The following NCOA7 variants were observed in gnomAD, a reference collection of about 807,000 sequenced individuals.
NCOA7 encodes 140 kDa estrogen receptor-associated protein.
NCOA7 carries 45 observed loss-of-function variants against 104.3 expected under a neutral mutation model. The observed-to-expected ratio is 0.43, with a 90% confidence interval of 0.34 to 0.55. The LOEUF (loss-of-function observed/expected upper bound fraction) is 0.55, where lower values mean the gene tolerates loss of function less well. Ranked by LOEUF, NCOA7 falls within the 20% of genes least tolerant of loss-of-function variation. The probability of loss-of-function intolerance (pLI) is 0.02; values close to 1 mark genes in which losing one functional copy is unlikely to be tolerated. For missense variants in NCOA7, 1,041 were observed against 1,119.7 expected, an observed-to-expected ratio of 0.93 and a Z score of 1.00; for synonymous variants, 398 against 402.3, an observed-to-expected ratio of 0.99 and a Z score of 0.13.
At chr6:125,886,816 G>A (rs2128654540) in intron 8 of NCOA7, among the ~76,000 whole-genome samples, 2 of 152,342 alleles carry the variant, frequency 1.3e-5, no homozygotes, top group South Asian at 4.1e-4. Flanking sequence ...GTGGCAACGT[G>A]CAATAGTTTT....
In NCOA7 at chr6:125,799,347, A is replaced by C. The variant is rs879830554; in HGVS notation, c.-65+8280A>C. Among the ~76,000 whole-genome samples, 3 of 152,180 alleles carry C rather than the reference A, an allele frequency of 2.0e-5. No individual in the cohort carries two copies. In the South Asian group the frequency reaches 6.2e-4, roughly 31 times the overall value. ...ATACTTAATTCCATGAATACTTTCC[A>C]ACCCATCTATTGTATGCTGACTTCA... On this transcript the variant is annotated intron_variant, in intron 1 of 15. Coordinates refer to ENST00000392477, the MANE Select transcript of NCOA7 (RefSeq NM_181782.5).
Position 125,889,971 on chromosome 6 carries a change from A to G in NCOA7, c.1917A>G (p.Val639=). The stretch of plus-strand genomic sequence containing the variant: ...TGTGGCTGTTAAAGAGAATTCAGGT[A>G]CCCATTGAAGGTAAGCTGTTTTTCT... The part of the protein sequence containing the change: ...VQLWLLKRIQ[V]PIEDILPSKE... The change falls in exon 9 of 16, where the codon GTA becomes GTG. Residue 639 remains valine (V), a synonymous_variant. Coordinates refer to ENST00000392477, the MANE Select transcript of NCOA7 (RefSeq NM_181782.5). 2.0e-6 allele frequency: 3 copies of G among 1,527,300 alleles called. No homozygotes were observed. The highest frequency in any genetic ancestry group is 2.6e-6 in the Non-Finnish European group (3 of 1,141,976). 94.6% of individuals were successfully genotyped at this position (1,527,300 alleles called of 1,614,324 possible).
At chr6:125,900,336 A>G (rs988858856) in intron 10 of NCOA7, among the ~76,000 whole-genome samples, 2 of 152,266 alleles carry the variant, frequency 1.3e-5, no homozygotes, top group Non-Finnish European at 2.9e-5. Flanking sequence ...AATCCACGCT[A>G]TGGGCTGCCA....
chr6:125,884,914 G>A (rs1163942467), intron 7 of NCOA7, among the ~76,000 whole-genome samples: 1 of 152,202 alleles, frequency 6.6e-6, no homozygotes, highest in East Asian at 1.9e-4. Flanking sequence ...TGTTGCAGCA[G>A]CTGTGATAGA....
intron 10 of NCOA7, among the ~76,000 whole-genome samples, chr6:125,910,663 G>A (rs1163638931): frequency 1.3e-5 from 2 of 152,210 alleles, no homozygotes; most frequent in Admixed American, 1.3e-4. Flanking sequence ...ATGTGAAAAT[G>A]ACAAGTTGAA....
At chr6:125,878,140 A>G (rs1783529468) in intron 4 of NCOA7, 123 bp from the exon 5 acceptor site, 1 of 493,492 alleles carries the variant, frequency 2.0e-6, no homozygotes, top group Non-Finnish European at 3.5e-6. Flanking sequence ...ATTCTTTCTT[A>G]TAGTCTATCT....
intron 1 of NCOA7, among the ~76,000 whole-genome samples, chr6:125,795,428 G>T (rs1382567419): frequency 2.0e-5 from 3 of 152,092 alleles, no homozygotes; most frequent in Admixed American, 1.3e-4. Context: ...TCATTCCCCT[G>T]TCACCCATTT....
Position 125,881,213 on chromosome 6 carries a change from T to G in NCOA7, c.573+10T>G. ...ATATGATAAATTGCCTGTATGTATA[T>G]TATGCACTGAAGTTCATTTTTATTA... On this transcript the variant is annotated intron_variant, in intron 6 of 15. Coordinates refer to ENST00000392477, the MANE Select transcript of NCOA7 (RefSeq NM_181782.5). 1 of 1,556,914 alleles carries G rather than the reference T, an allele frequency of 6.4e-7. No homozygotes were observed. The highest frequency in any genetic ancestry group is 8.9e-7 in the Non-Finnish European group (1 of 1,128,274).
intron 13 of NCOA7, among the ~76,000 whole-genome samples, chr6:125,925,929 A>G (rs147484514): frequency 2.0e-5 from 3 of 152,342 alleles, no homozygotes; most frequent in South Asian, 2.1e-4. Flanking sequence ...CATAATCACA[A>G]TGCAATAGAT....
chr6:125,867,496 A>G (rs889302826), intron 3 of NCOA7, among the ~76,000 whole-genome samples: 2 of 152,172 alleles, frequency 1.3e-5, no homozygotes, highest in Non-Finnish European at 2.9e-5. Context: ...TTCTCAAGAG[A>G]CGTTGAGCAT....
At chr6:125,873,148 A>G (rs982433030) in intron 3 of NCOA7, among the ~76,000 whole-genome samples, 3 of 152,148 alleles carry the variant, frequency 2.0e-5, no homozygotes, top group African/African-American at 7.2e-5. Context: ...TCGTTGAGAC[A>G]TTTCCGTGTG....
intron 2 of NCOA7, among the ~76,000 whole-genome samples, chr6:125,845,533 T>C (rs1256846012): frequency 6.6e-6 from 1 of 152,174 alleles, no homozygotes; most frequent in African/African-American, 2.4e-5. Context: ...CCCAGCATTT[T>C]GGGAGGCTGA....
At chr6:125,842,862 A>G (rs532535995) in intron 2 of NCOA7, among the ~76,000 whole-genome samples, 2 of 152,338 alleles carry the variant, frequency 1.3e-5, no homozygotes, top group East Asian at 3.9e-4. Context: ...CTTTTGCTTT[A>G]GAAATATGTT....
chr6:125,871,100 T>A (rs780258212), intron 3 of NCOA7, among the ~76,000 whole-genome samples: 2 of 152,210 alleles, frequency 1.3e-5, no homozygotes, highest in Non-Finnish European at 2.9e-5. Flanking sequence ...TTGGCCAACT[T>A]TTCCCTTGGC....
At chr6:125,790,459 G>A (rs1193559793), upstream of NCOA7, among the ~76,000 whole-genome samples, 4 of 152,332 alleles carry the variant, frequency 2.6e-5, no homozygotes, top group East Asian at 5.8e-4. Flanking sequence ...AAAGGGCCGA[G>A]GCCTGCGGAG....
chr6:125,902,508 G>T lies in NCOA7; in HGVS notation c.2096+11698G>T, dbSNP rs569959614. On this transcript the variant is annotated intron_variant, in intron 10 of 15. Coordinates refer to ENST00000392477, the MANE Select transcript of NCOA7 (RefSeq NM_181782.5). ...TTTTTTTTTTTTTAAAGTGGGGATG[G>T]AAGGGAAGCAACAGTAAATTAAATC... Among the ~76,000 whole-genome samples, 4 of 151,550 alleles carry T rather than the reference G, an allele frequency of 2.6e-5. No individual in the cohort carries two copies. In the South Asian group the frequency reaches 8.3e-4, roughly 32 times the overall value.
intron 2 of NCOA7, among the ~76,000 whole-genome samples, chr6:125,843,091 A>T (rs1427223858): frequency 6.6e-6 from 1 of 152,176 alleles, no homozygotes; most frequent in Admixed American, 6.6e-5. Flanking sequence ...TGAGAATGTT[A>T]CCTTTTATGG....
intron 5 of NCOA7, among the ~76,000 whole-genome samples, chr6:125,880,172 C>A (rs897324916): frequency 2.6e-5 from 4 of 152,058 alleles, no homozygotes; most frequent in African/African-American, 9.7e-5. Context: ...TTACACATAA[C>A]CCAGACACTG....
intron 2 of NCOA7, among the ~76,000 whole-genome samples, chr6:125,820,000 A>C (rs1778017128): frequency 6.6e-6 from 1 of 152,156 alleles, no homozygotes; most frequent in South Asian, 2.1e-4. Context: ...GCCTGGGAGT[A>C]AACAGTGAGT....
Sources: gnomAD v4.1 joint callset for allele counts (sites outside exome capture counted in the v4.1 genomes callset) on GRCh38, gnomAD v4.1.1 for gene constraint, MANE v1.5 for transcripts, NCBI Gene and HGNC (gene_info 2026-07-23, HGNC 2026-07-21) for gene names.